Variants in VPS53 observed in about 807,000 individuals in gnomAD.
VPS53 encodes vacuolar protein sorting-associated protein 53 homolog.
VPS53 carries 70 observed loss-of-function variants against 107.0 expected under a neutral mutation model. The ratio of observed to expected loss-of-function variants is 0.65; its 90% CI spans 0.54 to 0.80. The LOEUF (loss-of-function observed/expected upper bound fraction) is 0.80, where lower values mean the gene tolerates loss of function less well. Ranked by LOEUF, VPS53 falls within the 30% of genes least tolerant of loss-of-function variation. The pLI is 0.00. For synonymous variants in VPS53, 409 were observed against 393.3 expected (o/e 1.04, Z -0.47); for missense variants, 917 against 1,049.4 (o/e 0.87, Z 1.74).
At chr17:656,016 G>T in intron 5 of VPS53, 63 bp from the exon 6 acceptor site, 2 of 1,358,200 alleles carry the variant, frequency 1.5e-6, no homozygotes, top group Non-Finnish European at 2.1e-6. Context: ...AAACACTTCT[G>T]CAAGTAGCTC....
intron 13 of VPS53, among the ~76,000 whole-genome samples, chr17:569,426 T>C (rs973747740): frequency 6.6e-6 from 1 of 152,224 alleles, no homozygotes; most frequent in Non-Finnish European, 1.5e-5. Flanking sequence ...AAATCTGTAC[T>C]ATTTGTGAAA....
At chr17:527,912 A>G (rs936072506) in intron 19 of VPS53, among the ~76,000 whole-genome samples, 1 of 152,186 alleles carries the variant, frequency 6.6e-6, no homozygotes, top group African/African-American at 2.4e-5. Context: ...GCACTTGGCC[A>G]AAGTCTTTTA....
intron 13 of VPS53, among the ~76,000 whole-genome samples, chr17:572,163 G>A (rs555024986): frequency 0.011 from 1,601 of 145,386 alleles, 6 homozygotes; most frequent in African/African-American, 0.035. Flanking sequence ...GCCGCCCATC[G>A]TCTGAGATGT....
At chr17:689,982 G>A (rs984695662) in intron 4 of VPS53, among the ~76,000 whole-genome samples, 17 of 152,094 alleles carry the variant, frequency 1.1e-4, no homozygotes, top group Non-Finnish European at 7.4e-5. Context: ...AGCCCCGGAC[G>A]ACACACACAG....
At chr17:583,484 C>T (rs547641041) in intron 13 of VPS53, among the ~76,000 whole-genome samples, 84 of 148,554 alleles carry the variant, frequency 5.7e-4, no homozygotes, top group Non-Finnish European at 1.0e-3. Context: ...GGACCTAATG[C>T]GTTCCCAGAG....
intron 18 of VPS53, 174 bp from the exon 19 acceptor site, chr17:533,085 T>A (rs1909727909): frequency 8.1e-7 from 1 of 1,234,676 alleles, no homozygotes; most frequent in African/African-American, 1.5e-5. Context: ...CTGGTTTTGT[T>A]TAGTTACATG....
At chr17:527,060 T>A (rs1225962532) in intron 19 of VPS53, among the ~76,000 whole-genome samples, 1 of 152,220 alleles carries the variant, frequency 6.6e-6, no homozygotes, top group Non-Finnish European at 1.5e-5. Context: ...AAAAATTAGG[T>A]ATAACTTTCA....
intron 19 of VPS53, among the ~76,000 whole-genome samples, chr17:530,278 C>T (rs1013111602): frequency 2.0e-5 from 3 of 151,602 alleles, no homozygotes; most frequent in African/African-American, 4.8e-5. Flanking sequence ...CTCAGCCTCT[C>T]GAGCAGCTGG....
intron 13 of VPS53, among the ~76,000 whole-genome samples, chr17:566,164 A>C (rs1913486146): frequency 1.4e-5 from 2 of 147,526 alleles, no homozygotes; most frequent in Non-Finnish European, 3.0e-5. Context: ...AGATCCCGCC[A>C]CTGCACTCCA....
intron 17 of VPS53, among the ~76,000 whole-genome samples, chr17:547,088 G>A (rs1911271779): frequency 6.6e-6 from 1 of 152,018 alleles, no homozygotes; most frequent in Non-Finnish European, 1.5e-5. Context: ...TGTTGGCCAG[G>A]CTGGTCTTGA....
At chr17:592,116 T>C (rs898838485) in intron 12 of VPS53, among the ~76,000 whole-genome samples, 1 of 152,242 alleles carries the variant, frequency 6.6e-6, no homozygotes, top group Admixed American at 6.5e-5. Flanking sequence ...TTAGCTCTTG[T>C]TGAATTGATC....
intron 11 of VPS53, among the ~76,000 whole-genome samples, chr17:602,399 T>C (rs1332716455): frequency 1.1e-4 from 16 of 152,210 alleles, no homozygotes; most frequent in Admixed American, 1.0e-3. Context: ...AAGTGCCAGA[T>C]GGATTTCAAC....
At chr17:587,975 C>T (rs1967413159) in intron 12 of VPS53, among the ~76,000 whole-genome samples, 1 of 152,192 alleles carries the variant, frequency 6.6e-6, no homozygotes. Context: ...GTATCCACCA[C>T]CTCCCCAAGC....
chr17:528,154 T>C (rs1283664397), intron 19 of VPS53, among the ~76,000 whole-genome samples: 3 of 152,198 alleles, frequency 2.0e-5, no homozygotes, highest in African/African-American at 7.2e-5. Flanking sequence ...TTCAGTGGTT[T>C]TTAAGGTCTA....
In VPS53 at chr17:560,425, C is replaced by T; in HGVS notation, c.1704+1G>A. The stretch of plus-strand genomic sequence containing the variant: ...GTGAGTGGGCAGCCAGGATGGCTCA[C>T]CTGCTGGGTGGTGGCCAGACAGTAC... On this transcript the variant is annotated splice_donor_variant, in intron 15 of 21. Coordinates refer to ENST00000437048, the MANE Select transcript of VPS53 (RefSeq NM_001128159.3). LOFTEE classifies it high-confidence loss of function. 6.2e-7 allele frequency: 1 copy of T among 1,609,570 alleles called. No individual in the cohort carries two copies. Among genetic ancestry groups the T allele is most frequent in the East Asian group, 2.2e-5 (1 of 44,774 alleles).
At chr17:661,633 C>G (rs58184664) in intron 5 of VPS53, among the ~76,000 whole-genome samples, 176 bp downstream of exon 5, 2 of 152,062 alleles carry the variant, frequency 1.3e-5, no homozygotes, top group Admixed American at 1.3e-4. Flanking sequence ...CACCACTGAC[C>G]AGCAGCTCCC....
intron 12 of VPS53, among the ~76,000 whole-genome samples, chr17:599,112 C>T (rs1399365933): frequency 2.0e-5 from 3 of 147,038 alleles, no homozygotes; most frequent in African/African-American, 7.4e-5. Flanking sequence ...CCAGCCGCCC[C>T]GTCCGGGAGG....
At chr17:649,833 G>C (rs1301104408) in intron 7 of VPS53, among the ~76,000 whole-genome samples, 1 of 152,254 alleles carries the variant, frequency 6.6e-6, no homozygotes, top group Non-Finnish European at 1.5e-5. Flanking sequence ...TTCCGTGGGA[G>C]AGACATGAGA....
rs1013697741 is a variant in VPS53, at chr17:714,797, G to A, written c.-88C>T. On this transcript the variant is annotated 5_prime_UTR_variant, in exon 1 of 22. Coordinates refer to ENST00000437048, the MANE Select transcript of VPS53 (RefSeq NM_001128159.3). ...CAGGCCCCAGCACAGCAACTCCCTC[G>A]CGGCAGCGACCTGGTGAGCCCGGCT... The A allele has an allele frequency of 1.2e-5, 18 of 1,482,082 alleles. No homozygotes were observed. The Admixed American group carries it at 1.7e-4, about 14-fold the overall frequency. The allele number at this position is 1,482,082 out of a possible 1,614,324, so 91.8% of individuals were successfully genotyped here. A position where few individuals can be genotyped will look rare whatever the true frequency, so the allele number is the denominator to read the frequency against.
Sources: gnomAD v4.1 joint callset for allele counts (sites outside exome capture counted in the v4.1 genomes callset) on GRCh38, gnomAD v4.1.1 for gene constraint, MANE v1.5 for transcripts, NCBI Gene and HGNC (gene_info 2026-07-23, HGNC 2026-07-21) for gene names.